Variants in RARS2 observed in about 807,000 individuals in gnomAD.
The protein encoded by RARS2 is arginyl-tRNA synthetase 2, mitochondrial, also known as probable arginine--tRNA ligase, mitochondrial.
Under a neutral mutation model 88.5 loss-of-function variants are expected in RARS2, and 67 were observed. That is an observed-to-expected ratio of 0.76 (90% CI 0.62 to 0.93). The LOEUF (loss-of-function observed/expected upper bound fraction) is 0.93, where lower values mean the gene tolerates loss of function less well. RARS2 is among the 40% of genes least tolerant of loss of function. The probability of loss-of-function intolerance (pLI) is 0.00; values close to 1 mark genes in which losing one functional copy is unlikely to be tolerated. For synonymous variants in RARS2, 239 were observed against 230.3 expected (o/e 1.04, Z -0.34); for missense variants, 664 against 684.2 (o/e 0.97, Z 0.33).
At chr6:87,539,461 C>T (rs1780218104) in intron 8 of RARS2, among the ~76,000 whole-genome samples, 1 of 152,244 alleles carries the variant, frequency 6.6e-6, no homozygotes, top group African/African-American at 2.4e-5. Flanking sequence ...CCTTGGCATG[C>T]TTACATTGGT....
chr6:87,572,243 G>A (rs990703979), intron 1 of RARS2, among the ~76,000 whole-genome samples: 7 of 152,058 alleles, frequency 4.6e-5, no homozygotes, highest in African/African-American at 1.4e-4. Context: ...ATAAACTAGG[G>A]CTCTTGTGAT....
intron 8 of RARS2, among the ~76,000 whole-genome samples, chr6:87,537,141 A>G (rs901168983): frequency 7.2e-5 from 11 of 152,280 alleles, no homozygotes; most frequent in Non-Finnish European, 1.5e-4. Context: ...AGTTCAATTT[A>G]GAGGAAGGCA....
intron 4 of RARS2, among the ~76,000 whole-genome samples, chr6:87,559,000 T>C (rs780602384): frequency 6.6e-6 from 1 of 152,186 alleles, no homozygotes; most frequent in Non-Finnish European, 1.5e-5. Context: ...GACAGTGATA[T>C]TGATGATCCT....
In RARS2 at chr6:87,541,951, T is replaced by G. The variant is rs1482553533; in HGVS notation, c.579A>C (p.Lys193Asn). The G allele has an allele frequency of 6.2e-7, 1 of 1,613,564 alleles. No homozygotes were observed. The highest frequency in any genetic ancestry group is 8.5e-7 in the Non-Finnish European group (1 of 1,179,724). Residue 193 changes from lysine (K) to asparagine (N), a missense_variant, in exon 8 of 20, where the codon AAA (lysine) becomes AAC (asparagine). Transcript: ENST00000369536. ...GATGCTGTAGAGGATTGGACTGCAGTTTTTCCTCATAGCCAAACAGCTGGA... is the reference window on the plus strand; with the variant it reads ...GATGCTGTAGAGGATTGGACTGCAGGTTTTCCTCATAGCCAAACAGCTGGA... Reference protein sequence around the residue: ...TGFQLFGYEEKLQSNPLQHLF... With the variant: ...TGFQLFGYEENLQSNPLQHLF...
chr6:87,551,569 G>T (rs1020687122), intron 5 of RARS2, among the ~76,000 whole-genome samples: 1 of 128,072 alleles, frequency 7.8e-6, no homozygotes, highest in Non-Finnish European at 1.5e-5. Context: ...GGCAGAGGCT[G>T]CAATGAATCA....
rs546550712 is a variant in RARS2 at position 87,578,079 on chromosome 6, C to T, written c.37-8489G>A. Reference sequence around the variant, plus strand: ...GCAGGATCACTTGAGGCCAGAAGTTCGAGACCAGCCTGGGGCAACATAGCG... The same window carrying T: ...GCAGGATCACTTGAGGCCAGAAGTTTGAGACCAGCCTGGGGCAACATAGCG... On this transcript the variant is annotated intron_variant, in intron 1 of 19. Transcript: ENST00000369536. Among the ~76,000 whole-genome samples the T allele has an allele frequency of 2.5e-3, 375 of 151,380 alleles. 2 individuals are homozygous for T. The highest frequency in any genetic ancestry group is 8.8e-3 in the African/African-American group (360 of 41,108).
At chr6:87,563,418 G>C (rs1788478166) in intron 3 of RARS2, among the ~76,000 whole-genome samples, 1 of 152,136 alleles carries the variant, frequency 6.6e-6, no homozygotes, top group Non-Finnish European at 1.5e-5. Context: ...GTGATTTTCT[G>C]ATCAAATAAA....
intron 4 of RARS2, among the ~76,000 whole-genome samples, 171 bp from the exon 5 acceptor site, chr6:87,555,676 A>C (rs771947696): frequency 1.3e-5 from 2 of 152,258 alleles, no homozygotes; most frequent in African/African-American, 2.4e-5. Context: ...TACTAATGCT[A>C]GTCATAGTAG....
intron 10 of RARS2, among the ~76,000 whole-genome samples, chr6:87,526,935 T>C (rs891506456): frequency 1.3e-4 from 19 of 151,990 alleles, no homozygotes; most frequent in Admixed American, 9.8e-4. Flanking sequence ...CCTCCCAAAG[T>C]GCTGGGATTA....
intron 4 of RARS2, among the ~76,000 whole-genome samples, chr6:87,556,360 C>T (rs1426521994): frequency 2.0e-5 from 3 of 151,972 alleles, no homozygotes; most frequent in Non-Finnish European, 4.4e-5. Flanking sequence ...AGGCTGAGTG[C>T]AGTGGTGCAA....
intron 8 of RARS2, among the ~76,000 whole-genome samples, chr6:87,532,747 C>T (rs1252753049): frequency 2.6e-5 from 4 of 152,032 alleles, no homozygotes; most frequent in African/African-American, 9.7e-5. Context: ...ATCACAGAAT[C>T]GGGGGGAGGA....
intron 2 of RARS2, among the ~76,000 whole-genome samples, chr6:87,568,388 T>G (rs527515901): frequency 2.9e-4 from 44 of 152,142 alleles, no homozygotes; most frequent in Non-Finnish European, 5.7e-4. Context: ...TAGTCCAAGC[T>G]ACTCTGGAGG....
At chr6:87,586,749 G>A (rs921818265) in intron 1 of RARS2, among the ~76,000 whole-genome samples, 5 of 152,108 alleles carry the variant, frequency 3.3e-5, no homozygotes, top group South Asian at 4.1e-4. Flanking sequence ...ATGCTCATTC[G>A]CAAAGGTATT....
intron 11 of RARS2, among the ~76,000 whole-genome samples, chr6:87,523,315 G>A (rs959052081): frequency 1.3e-5 from 2 of 152,110 alleles, no homozygotes; most frequent in African/African-American, 2.4e-5. Context: ...AGAGTTAAAC[G>A]ACAGTCCCAG....
At chr6:87,585,678 G>C (rs569269256) in intron 1 of RARS2, among the ~76,000 whole-genome samples, 1 of 152,082 alleles carries the variant, frequency 6.6e-6, no homozygotes, top group African/African-American at 2.4e-5. Context: ...CTTGCAGTGA[G>C]CAGAGATCAC....
At chr6:87,575,107 G>A (rs1770990377) in intron 1 of RARS2, among the ~76,000 whole-genome samples, 1 of 151,930 alleles carries the variant, frequency 6.6e-6, no homozygotes, top group South Asian at 2.1e-4. Context: ...CTTCAAAAGA[G>A]ATCTCCAAGA....
intron 10 of RARS2, among the ~76,000 whole-genome samples, chr6:87,527,126 C>T (rs1051313361): frequency 5.9e-5 from 9 of 151,746 alleles, no homozygotes; most frequent in South Asian, 2.1e-4. Flanking sequence ...CTGGCCAACA[C>T]GGTGAAACCC....
At chr6:87,544,657 A>G (rs1404709297) in intron 7 of RARS2, among the ~76,000 whole-genome samples, 1 of 152,220 alleles carries the variant, frequency 6.6e-6, no homozygotes, top group Non-Finnish European at 1.5e-5. Flanking sequence ...CTTCACTACC[A>G]TAACAACTTC....
At chr6:87,533,936 A>G (rs1009168468) in intron 8 of RARS2, among the ~76,000 whole-genome samples, 3 of 152,214 alleles carry the variant, frequency 2.0e-5, no homozygotes, top group African/African-American at 2.4e-5. Context: ...TCTTAGAAAT[A>G]CTGAGAATAA....
Sources: allele counts gnomAD v4.1 joint callset (sites outside exome capture counted in the v4.1 genomes callset), GRCh38; gene constraint gnomAD v4.1.1; transcripts MANE v1.5; gene names NCBI Gene and HGNC (gene_info 2026-07-23, HGNC 2026-07-21).